Variants in MTURN observed in about 807,000 individuals in gnomAD.
MTURN encodes maturin.
A neutral mutation model predicts 14.9 loss-of-function variants in MTURN; 7 were observed. The observed-to-expected ratio is 0.47, with a 90% CI of 0.27 to 0.88. MTURN has a LOEUF of 0.88. MTURN is among the 40% of genes least tolerant of loss of function. The probability of loss-of-function intolerance (pLI) is 0.14; values close to 1 mark genes in which losing one functional copy is unlikely to be tolerated. For missense variants in MTURN, 151 were observed against 174.1 expected (o/e 0.87, Z 0.75); for synonymous variants, 69 against 72.5 (o/e 0.95, Z 0.25).
intron 2 of MTURN, among the ~76,000 whole-genome samples, chr7:30,154,090 C>T (rs111949729): frequency 0.017 from 2,588 of 152,212 alleles, 67 homozygotes; most frequent in African/African-American, 0.059. Flanking sequence ...AGCCAGCAAA[C>T]GAGACACGGG....
At chr7:30,141,648 AAGTAGCC>A (rs968627502) in intron 1 of MTURN, among the ~76,000 whole-genome samples, 3 of 152,050 alleles carry the variant, frequency 2.0e-5, no homozygotes, top group Admixed American at 6.5e-5. Flanking sequence ...TCATCCTGGC[AAGTAGCC>A]AGGACTACAG....
At chr7:30,138,209 G>A (rs545468601) in intron 1 of MTURN, among the ~76,000 whole-genome samples, 25 of 152,156 alleles carry the variant, frequency 1.6e-4, no homozygotes, top group African/African-American at 2.4e-4. Context: ...TCTGCCTCCC[G>A]GGTTCAAGTG....
intron 2 of MTURN, among the ~76,000 whole-genome samples, chr7:30,153,466 A>G (rs1400915622): frequency 1.3e-5 from 2 of 152,180 alleles, no homozygotes; most frequent in African/African-American, 4.8e-5. Context: ...TAACAGCTGA[A>G]TGGGAGTCTC....
rs377380165 is a variant in MTURN, at chr7:30,137,772, A to G, written c.162+2474A>G. 4.9e-4 allele frequency: 212 copies of G among 430,816 alleles called. 4 individuals are homozygous for G. The highest frequency in any genetic ancestry group is 3.5e-3 in the South Asian group (210 of 59,456). The allele number at this position is 430,816 out of a possible 1,614,324, so 26.7% of individuals were successfully genotyped here. A position where few individuals can be genotyped will look rare whatever the true frequency, so the allele number is the denominator to read the frequency against. On this transcript the variant is annotated intron_variant, in intron 1 of 2. Coordinates refer to ENST00000324453, the MANE Select transcript of MTURN (RefSeq NM_152793.3). ...TTTTTCCCTGGAAAATGTATTAAGCATTAGACAAAAGTGTGAGATCAATGG... is the reference window on the plus strand; with the variant it reads ...TTTTTCCCTGGAAAATGTATTAAGCGTTAGACAAAAGTGTGAGATCAATGG...
intron 1 of MTURN, among the ~76,000 whole-genome samples, chr7:30,143,027 G>C (rs1196138346): frequency 1.3e-4 from 20 of 152,142 alleles, no homozygotes; most frequent in African/African-American, 4.8e-4. Context: ...ATTTGTCTTT[G>C]TACAGGACTA....
At chr7:30,150,483 G>A (rs1391781599) in intron 2 of MTURN, among the ~76,000 whole-genome samples, 2 of 152,364 alleles carry the variant, frequency 1.3e-5, no homozygotes, top group East Asian at 3.9e-4. Context: ...GGATGCACCT[G>A]TCCTCCCAGA....
At chr7:30,146,833 T>C (rs893266662) in intron 2 of MTURN, among the ~76,000 whole-genome samples, 2 of 152,228 alleles carry the variant, frequency 1.3e-5, no homozygotes, top group Non-Finnish European at 2.9e-5. Context: ...GATTTAGGAA[T>C]GTGTATTTCT....
At chr7:30,140,222 T>TC (rs1207943712) in intron 1 of MTURN, among the ~76,000 whole-genome samples, 1 of 152,082 alleles carries the variant, frequency 6.6e-6, no homozygotes, top group Non-Finnish European at 1.5e-5. Flanking sequence ...GGGATTCATT[T>TC]CCCAGATTGC....
chr7:30,146,586 G>A (rs745820887), intron 2 of MTURN, among the ~76,000 whole-genome samples: 5 of 152,126 alleles, frequency 3.3e-5, no homozygotes, highest in Non-Finnish European at 5.9e-5. Context: ...TGAGACAACT[G>A]AGTGTTCCTG....
intron 1 of MTURN, among the ~76,000 whole-genome samples, chr7:30,144,517 T>C (rs1210844074): frequency 1.3e-5 from 2 of 152,226 alleles, no homozygotes; most frequent in East Asian, 3.8e-4. Context: ...TTTAAGGGTC[T>C]CTAATTAGTA....
At chr7:30,156,713 T>A (rs140311040) in intron 2 of MTURN, among the ~76,000 whole-genome samples, 9 of 152,056 alleles carry the variant, frequency 5.9e-5, no homozygotes, top group African/African-American at 1.9e-4. Flanking sequence ...TAGTCCCAGC[T>A]ACTCAGGAGG....
rs1397974640 is a variant in MTURN, at chr7:30,158,523, A to G, written c.*975A>G. 1 of 152,196 alleles carries G rather than the reference A, an allele frequency of 6.6e-6. No homozygotes were observed. The highest frequency in any genetic ancestry group is 6.5e-5 in the Admixed American group (1 of 15,270). 9.4% of individuals were successfully genotyped at this position (152,196 alleles called of 1,614,324 possible). A position where few individuals can be genotyped will look rare whatever the true frequency, so the allele number is the denominator to read the frequency against. Reference sequence around the variant, plus strand: ...TCTTTTATTTAAAAAAAAAAAGTCAAAAAAAGGATTCCATTGTGTAATTTA... The same window carrying G: ...TCTTTTATTTAAAAAAAAAAAGTCAGAAAAAGGATTCCATTGTGTAATTTA... On this transcript the variant is annotated 3_prime_UTR_variant, in exon 3 of 3. Transcript: ENST00000324453.
rs187697121 is a variant in MTURN at position 30,158,519 on chromosome 7, G to T, written c.*971G>T. The T allele has an allele frequency of 3.4e-5, 5 of 146,484 alleles. No homozygotes were observed. The highest frequency in any genetic ancestry group is 2.7e-4 in the Admixed American group (4 of 14,730). 9.1% of individuals were successfully genotyped at this position (146,484 alleles called of 1,614,324 possible). On this transcript the variant is annotated 3_prime_UTR_variant, in exon 3 of 3. Coordinates refer to ENST00000324453, the MANE Select transcript of MTURN (RefSeq NM_152793.3). ...TAAGTCTTTTATTTAAAAAAAAAAA[G>T]TCAAAAAAAGGATTCCATTGTGTAA...
intron 1 of MTURN, among the ~76,000 whole-genome samples, chr7:30,140,652 G>A (rs1797037142): frequency 2.0e-5 from 3 of 152,144 alleles, no homozygotes; most frequent in African/African-American, 7.2e-5. Context: ...GAAATGAAGA[G>A]CTGTGCATGT....
At chr7:30,139,395 CCA>C (rs1797014304) in intron 1 of MTURN, among the ~76,000 whole-genome samples, 1 of 152,154 alleles carries the variant, frequency 6.6e-6, no homozygotes, top group Admixed American at 6.5e-5. Flanking sequence ...ACTAACTTTT[CCA>C]CAGTTAATAA....
At chr7:30,137,697 T>C in intron 1 of MTURN, 1 of 471,160 alleles carries the variant, frequency 2.1e-6, no homozygotes, top group Non-Finnish European at 4.4e-6. Flanking sequence ...CAGGCCAGGT[T>C]TGTCAAGCTA....
intron 1 of MTURN, chr7:30,141,265 A>T (rs1797047530): frequency 6.6e-6 from 1 of 152,106 alleles, no homozygotes; most frequent in South Asian, 2.1e-4. Flanking sequence ...AACCACAAAA[A>T]TTAGCTGGGC....
At chr7:30,141,266 T>A (rs1271406017) in intron 1 of MTURN, 1 of 151,948 alleles carries the variant, frequency 6.6e-6, no homozygotes, top group Non-Finnish European at 1.5e-5. Context: ...ACCACAAAAA[T>A]TAGCTGGGCG....
intron 1 of MTURN, among the ~76,000 whole-genome samples, chr7:30,141,670 G>T (rs529390906): frequency 6.6e-6 from 1 of 151,974 alleles, no homozygotes; most frequent in African/African-American, 2.4e-5. Context: ...CTACAGGTGC[G>T]CACCACCACA....
Sources: gnomAD v4.1 joint callset for allele counts (sites outside exome capture counted in the v4.1 genomes callset) on GRCh38, gnomAD v4.1.1 for gene constraint, MANE v1.5 for transcripts, NCBI Gene and HGNC (gene_info 2026-07-23, HGNC 2026-07-21) for gene names.